RPS6KC1: variants seen among roughly 807,000 people sequenced by gnomAD.
RPS6KC1 encodes inactive ribosomal protein S6 kinase delta-1.
Under a neutral mutation model 103.8 loss-of-function variants are expected in RPS6KC1, and 54 were observed. The ratio of observed to expected loss-of-function variants is 0.52; its 90% CI spans 0.42 to 0.65. RPS6KC1 has a LOEUF of 0.65. Among genes scored for constraint, RPS6KC1 ranks in the 30% least tolerant of loss-of-function variants. The pLI is 0.00. For synonymous variants in RPS6KC1, 439 were observed against 438.7 expected, an observed-to-expected ratio of 1.00 and a Z score of -0.01; for missense variants, 1,151 against 1,253.8, an observed-to-expected ratio of 0.92 and a Z score of 1.24.
intron 14 of RPS6KC1, among the ~76,000 whole-genome samples, chr1:213,266,673 G>A (rs529040319): frequency 2.6e-4 from 40 of 152,088 alleles, no homozygotes; most frequent in Non-Finnish European, 3.8e-4. Flanking sequence ...TTGGGAGGCC[G>A]AGGCGGGTGG....
At chr1:213,540,758 A>G in the RPS6KC1 span, among the ~76,000 whole-genome samples, 3 of 152,180 alleles carry the variant, frequency 2.0e-5, no homozygotes, top group African/African-American at 7.2e-5. Flanking sequence ...CATTTTACCC[A>G]CAGTAGAACT....
chr1:213,262,642 C>A, intron 13 of RPS6KC1, 79 bp from the exon 14 acceptor site: 3 of 924,452 alleles, frequency 3.2e-6, no homozygotes, highest in Non-Finnish European at 5.4e-6. Flanking sequence ...GCTCTCTGTA[C>A]TTGCTGTCCA....
the RPS6KC1 span, among the ~76,000 whole-genome samples, chr1:213,573,060 A>G: frequency 6.6e-6 from 1 of 152,220 alleles, no homozygotes; most frequent in Non-Finnish European, 1.5e-5. Context: ...AGCAGAATAG[A>G]TAAGAACTTC....
chr1:213,636,206 T>C, the RPS6KC1 span, among the ~76,000 whole-genome samples: 2 of 152,178 alleles, frequency 1.3e-5, no homozygotes, highest in Non-Finnish European at 2.9e-5. Context: ...AGGTAATTCA[T>C]AGATTCAGTG....
chr1:213,747,035 A>G, the RPS6KC1 span, among the ~76,000 whole-genome samples: 1 of 152,200 alleles, frequency 6.6e-6, no homozygotes, highest in Admixed American at 6.5e-5. Flanking sequence ...CTATTTGCAT[A>G]CACCTGATAT....
chr1:213,112,195 G>T (rs2083089660), intron 4 of RPS6KC1, among the ~76,000 whole-genome samples: 1 of 152,060 alleles, frequency 6.6e-6, no homozygotes, highest in Non-Finnish European at 1.5e-5. Flanking sequence ...GTGTTTGGAG[G>T]CATAGAACTG....
At chr1:213,189,502 T>A (rs947810868) in intron 8 of RPS6KC1, among the ~76,000 whole-genome samples, 5 of 151,098 alleles carry the variant, frequency 3.3e-5, no homozygotes, top group Non-Finnish European at 5.9e-5. Flanking sequence ...ACTTCTTAAA[T>A]TTTTTTTATT....
At chr1:213,818,258 A>G in the RPS6KC1 span, 1 of 152,258 alleles carries the variant, frequency 6.6e-6, no homozygotes, top group Non-Finnish European at 1.5e-5. Context: ...AAGCTCAGTG[A>G]GGAAGGCAAG....
At chr1:213,084,706 A>G (rs1385309703) in intron 3 of RPS6KC1, among the ~76,000 whole-genome samples, 1 of 152,168 alleles carries the variant, frequency 6.6e-6, no homozygotes, top group East Asian at 1.9e-4. Context: ...TGGAATGTTA[A>G]TATAGCCGTT....
chr1:213,303,989 AG>A, the RPS6KC1 span, among the ~76,000 whole-genome samples: 37 of 151,616 alleles, frequency 2.4e-4, no homozygotes, highest in African/African-American at 7.7e-4. Flanking sequence ...GCGGATCACG[AG>A]GTCAGGAGAT....
chr1:213,857,728 T>G, the RPS6KC1 span, among the ~76,000 whole-genome samples: 1 of 152,204 alleles, frequency 6.6e-6, no homozygotes, highest in Non-Finnish European at 1.5e-5. Context: ...TCCCTCAGTG[T>G]CTGGAGACTG....
chr1:213,601,377 ATATAT>A, the RPS6KC1 span, among the ~76,000 whole-genome samples: 135 of 147,872 alleles, frequency 9.1e-4, 1 homozygote, highest in Middle Eastern at 3.6e-3. Flanking sequence ...ACATATTTAA[ATATAT>A]TATATATTTA....
At chr1:213,798,221 G>A in the RPS6KC1 span, among the ~76,000 whole-genome samples, 2 of 152,176 alleles carry the variant, frequency 1.3e-5, no homozygotes, top group Admixed American at 6.5e-5. Flanking sequence ...GTGCAGCTAC[G>A]CCCTGCCGTT....
the RPS6KC1 span, among the ~76,000 whole-genome samples, chr1:213,645,796 G>T: frequency 6.6e-6 from 1 of 152,212 alleles, no homozygotes; most frequent in Non-Finnish European, 1.5e-5. Context: ...GAAGCTTCAT[G>T]TGTCAACAGC....
At chr1:213,204,922 C>T (rs1465833965) in intron 8 of RPS6KC1, among the ~76,000 whole-genome samples, 1 of 152,220 alleles carries the variant, frequency 6.6e-6, no homozygotes, top group East Asian at 1.9e-4. Context: ...AACCACAATG[C>T]CTGGCCTCAC....
chr1:213,430,097 G>A, the RPS6KC1 span, among the ~76,000 whole-genome samples: 68 of 152,296 alleles, frequency 4.5e-4, no homozygotes, highest in African/African-American at 6.3e-4. Flanking sequence ...TCACCTAGTC[G>A]TCTTCCACTG....
the RPS6KC1 span, among the ~76,000 whole-genome samples, chr1:213,537,604 A>G: frequency 5.3e-5 from 8 of 152,276 alleles, no homozygotes; most frequent in East Asian, 1.5e-3. Context: ...CTCACCTACC[A>G]GGAGTCTGAG....
chr1:213,408,556 A>G, the RPS6KC1 span, among the ~76,000 whole-genome samples: 24 of 152,352 alleles, frequency 1.6e-4, no homozygotes, highest in South Asian at 4.6e-3. Context: ...AAACTGAGGT[A>G]TCCTGGAGGA....
At chr1:213,347,875 G>C in the RPS6KC1 span, among the ~76,000 whole-genome samples, 21 of 152,262 alleles carry the variant, frequency 1.4e-4, no homozygotes, top group East Asian at 7.7e-4. Flanking sequence ...CTTTGCCATG[G>C]AGTAAACATA....
Sources: allele counts gnomAD v4.1 joint callset (sites outside exome capture counted in the v4.1 genomes callset), GRCh38; gene constraint gnomAD v4.1.1; transcripts MANE v1.5; gene names NCBI Gene and HGNC (gene_info 2026-07-23, HGNC 2026-07-21).